The following REEP5 variants were observed in gnomAD, a reference collection of about 807,000 sequenced individuals.
REEP5 encodes the protein receptor accessory protein 5.
A neutral mutation model predicts 22.4 loss-of-function variants in REEP5; 24 were observed. The observed-to-expected ratio is 1.07, with a 90% CI of 0.78 to 1.51. REEP5 has a LOEUF of 1.51. Among genes scored for constraint, REEP5 ranks in the 40% most tolerant of loss-of-function variants. The pLI, the probability that REEP5 is intolerant of heterozygous loss-of-function variation, is 0.00. For synonymous variants in REEP5, 103 were observed against 88.6 expected, an observed-to-expected ratio of 1.16 and a Z score of -0.92; for missense variants, 252 against 233.0, an observed-to-expected ratio of 1.08 and a Z score of -0.53.
Position 112,882,591 on chromosome 5 carries a change from T to A in REEP5, c.521-3756A>T, listed in dbSNP as rs534857018. On this transcript the variant is annotated intron_variant, in intron 4 of 4. Coordinates refer to ENST00000379638, the MANE Select transcript of REEP5 (RefSeq NM_005669.5). ...CATGAACGCAAATCTCAAGCATGCC[T>A]TTAACACTGCCTGACAGTCCATTTA... is the stretch of plus-strand genomic sequence containing the variant. Among the ~76,000 whole-genome samples the A allele has an allele frequency of 2.0e-5, 3 of 152,304 alleles. No individual in the cohort carries two copies. The South Asian group carries it at 6.2e-4, about 32-fold the overall frequency.
chr5:112,893,627 G>A (rs1471718798), intron 3 of REEP5: 1 of 152,842 alleles, frequency 6.5e-6, no homozygotes, highest in Non-Finnish European at 1.5e-5. Flanking sequence ...CATGACAGTA[G>A]ATGATGGAAA....
intron 3 of REEP5, among the ~76,000 whole-genome samples, chr5:112,888,066 GT>G (rs140234565): frequency 0.035 from 5,314 of 152,214 alleles, 225 homozygotes; most frequent in East Asian, 0.16. Context: ...CACAGCCTAG[GT>G]GACTCTACAA....
chr5:112,922,020 G>A (rs1769383808), intron 1 of REEP5, 53 bp downstream of exon 1: 3 of 1,553,014 alleles, frequency 1.9e-6, no homozygotes, highest in Middle Eastern at 1.8e-4. Context: ...CAGCAGCTGG[G>A]GCAGCGGCGG....
intron 3 of REEP5, among the ~76,000 whole-genome samples, chr5:112,899,058 G>A (rs80123447): frequency 0.011 from 1,622 of 152,144 alleles, 12 homozygotes; most frequent in Middle Eastern, 0.02. Context: ...TAAATGGTGT[G>A]ATACTGTATT....
intron 2 of REEP5, among the ~76,000 whole-genome samples, chr5:112,908,099 TTG>T (rs1491154198): frequency 0.16 from 21,138 of 135,102 alleles, 2,491 homozygotes; most frequent in Non-Finnish European, 0.21. Context: ...TCTTTGTTTT[TTG>T]TTTTTTTTTT....
chr5:112,880,646 CTAACT>C (rs1208616561), intron 4 of REEP5, among the ~76,000 whole-genome samples: 9 of 152,184 alleles, frequency 5.9e-5, no homozygotes, highest in African/African-American at 2.2e-4. Flanking sequence ...TAAATTCCTC[CTAACT>C]TATTTTAATT....
intron 2 of REEP5, among the ~76,000 whole-genome samples, chr5:112,910,850 A>G (rs1373917209): frequency 6.6e-6 from 1 of 152,220 alleles, no homozygotes; most frequent in Admixed American, 6.5e-5. Context: ...CTGATTTTAT[A>G]TACATGTACC....
Position 112,897,701 on chromosome 5 carries a change from T to C in REEP5, c.351+4679A>G, listed in dbSNP as rs981935530. On this transcript the variant is annotated intron_variant, in intron 3 of 4. Coordinates refer to ENST00000379638, the MANE Select transcript of REEP5 (RefSeq NM_005669.5). The stretch of plus-strand genomic sequence containing the variant: ...CTCCTTTTATTTTCCTCCAATCTTA[T>C]CAGCTGCTTTAGAAAAATGAAAATA... The C allele has an allele frequency of 2.0e-5, 3 of 152,290 alleles. 1 individual carries two copies. The highest frequency in any genetic ancestry group is 4.8e-5 in the African/African-American group (2 of 41,564). 9.4% of individuals were successfully genotyped at this position (152,290 alleles called of 1,614,324 possible).
intron 2 of REEP5, among the ~76,000 whole-genome samples, chr5:112,906,458 A>G (rs957538269): frequency 3.9e-5 from 6 of 152,218 alleles, no homozygotes; most frequent in African/African-American, 1.2e-4. Context: ...ATACAATAGG[A>G]GGTCACAATC....
intron 3 of REEP5, chr5:112,894,562 C>A (rs1272050509): frequency 1.3e-5 from 2 of 152,126 alleles, no homozygotes; most frequent in African/African-American, 2.4e-5. Flanking sequence ...TATCAGAATC[C>A]TTGGTGGACA....
intron 2 of REEP5, among the ~76,000 whole-genome samples, chr5:112,904,327 C>T (rs983812499): frequency 1.4e-4 from 21 of 152,152 alleles, no homozygotes; most frequent in African/African-American, 5.1e-4. Flanking sequence ...TGTAAGATTT[C>T]TTCTCCCGCT....
At chr5:112,900,220 T>C (rs1293169950) in intron 3 of REEP5, among the ~76,000 whole-genome samples, 2 of 152,250 alleles carry the variant, frequency 1.3e-5, no homozygotes, top group African/African-American at 2.4e-5. Context: ...GAAATTGTTA[T>C]GTATTCTGGA....
chr5:112,886,577 A>G (rs1023860277), intron 4 of REEP5, among the ~76,000 whole-genome samples: 1 of 152,160 alleles, frequency 6.6e-6, no homozygotes, highest in Non-Finnish European at 1.5e-5. Flanking sequence ...ATTTTTTGTA[A>G]AATTATAGAA....
chr5:112,919,561 C>T (rs1038725816), intron 2 of REEP5, among the ~76,000 whole-genome samples: 5 of 152,070 alleles, frequency 3.3e-5, no homozygotes, highest in Non-Finnish European at 7.4e-5. Context: ...GAGCGAGACT[C>T]TGTCTCAAAA....
Position 112,922,161 on chromosome 5 carries a change from G to A in REEP5, c.30C>T (p.Asp10=), listed in dbSNP as rs1364302001. The change falls in exon 1 of 5, where the codon GAC becomes GAT. Residue 10 remains aspartate (D), a synonymous_variant. Coordinates refer to ENST00000379638, the MANE Select transcript of REEP5 (RefSeq NM_005669.5). Reference sequence around the variant, plus strand: ...TGCAGTTCTTCTCGTGCAGGAACCGGTCGAACCTCTCCCTCATGGCCGCAG... The same window carrying A: ...TGCAGTTCTTCTCGTGCAGGAACCGATCGAACCTCTCCCTCATGGCCGCAG... MSAAMRERF[D]RFLHEKNCMT... 6 of 1,608,344 alleles carry A rather than the reference G, an allele frequency of 3.7e-6. No homozygotes were observed. The highest frequency in any genetic ancestry group is 5.1e-6 in the Non-Finnish European group (6 of 1,177,510).
chr5:112,899,318 T>TTG (rs1332766852), intron 3 of REEP5, among the ~76,000 whole-genome samples: 2 of 151,880 alleles, frequency 1.3e-5, no homozygotes, highest in Admixed American at 6.6e-5. Flanking sequence ...ATTTTTAAAT[T>TTG]TGTGTGTGTG....
chr5:112,911,788 C>T (rs547714829), intron 2 of REEP5, among the ~76,000 whole-genome samples: 1 of 152,254 alleles, frequency 6.6e-6, no homozygotes, highest in Admixed American at 6.5e-5. Flanking sequence ...CAGAAGAAAA[C>T]CACTAGCCAT....
chr5:112,920,101 A>G (rs1769321388), intron 2 of REEP5, among the ~76,000 whole-genome samples: 1 of 152,206 alleles, frequency 6.6e-6, no homozygotes, highest in Non-Finnish European at 1.5e-5. Flanking sequence ...CCTCAGGGCT[A>G]TATGTAGCTA....
Position 112,908,098 on chromosome 5 carries a change from TTTG to T in REEP5, c.213-5583_213-5581del, listed in dbSNP as rs916718340. 6.2e-3 allele frequency among the ~76,000 whole-genome samples: 899 copies of T among 146,110 alleles called. 2 individuals carry two copies. The highest frequency in any genetic ancestry group is 9.1e-3 in the Non-Finnish European group (603 of 66,592). ...TGAGCATCAGAGACTTTCTTTGTTT[TTTG>T]TTTTTTTTTTTTTTTTTTGATGGAG... On this transcript the variant is annotated intron_variant, in intron 2 of 4. Transcript: ENST00000379638.
Sources: allele counts gnomAD v4.1 joint callset (sites outside exome capture counted in the v4.1 genomes callset), GRCh38; gene constraint gnomAD v4.1.1; transcripts MANE v1.5; gene names NCBI Gene and HGNC (gene_info 2026-07-23, HGNC 2026-07-21).